MLLT3: variants seen among roughly 807,000 people sequenced by gnomAD.
MLLT3 encodes MLLT3 super elongation complex subunit, also known as protein AF-9.
A neutral mutation model predicts 53.2 loss-of-function variants in MLLT3; 4 were observed. The observed-to-expected ratio is 0.08, with a 90% CI of 0.04 to 0.17. The LOEUF is 0.17. Among genes scored for constraint, MLLT3 ranks in the 10% least tolerant of loss-of-function variants. MLLT3 has a pLI of 1.00. For synonymous variants in MLLT3, 283 were observed against 230.6 expected (o/e 1.23, Z -2.06); for missense variants, 569 against 684.0 (o/e 0.83, Z 1.87).
chr9:20,400,436 G>T (rs538310343), intron 5 of MLLT3, among the ~76,000 whole-genome samples: 1 of 152,210 alleles, frequency 6.6e-6, no homozygotes, highest in East Asian at 1.9e-4. Flanking sequence ...TTGTCCAGTG[G>T]CTAGATATTT....
At chr9:20,469,268 C>T (rs1285410526) in intron 2 of MLLT3, among the ~76,000 whole-genome samples, 3 of 151,992 alleles carry the variant, frequency 2.0e-5, no homozygotes, top group East Asian at 1.9e-4. Context: ...ACAGAACATA[C>T]CTGGCAGCAT....
chr9:20,356,689 T>G (rs745764184), intron 8 of MLLT3, among the ~76,000 whole-genome samples: 1 of 152,204 alleles, frequency 6.6e-6, no homozygotes, highest in Non-Finnish European at 1.5e-5. Context: ...TTGAAGTGAC[T>G]TGAGGACGCT....
intron 2 of MLLT3, among the ~76,000 whole-genome samples, chr9:20,542,984 T>C (rs571861912): frequency 2.6e-5 from 4 of 152,338 alleles, no homozygotes; most frequent in South Asian, 4.1e-4. Flanking sequence ...TCAAATATCA[T>C]GAAACAACCT....
intron 2 of MLLT3, among the ~76,000 whole-genome samples, chr9:20,514,939 A>ATTTTTTTTTTTTTTTTTTTTTTTTTTTT (rs35816235): frequency 1.1e-5 from 1 of 88,734 alleles, no homozygotes; most frequent in Non-Finnish European, 2.1e-5. Context: ...TGAAGGAACA[A>ATTTTTTTTTTTTTTTTTTTTTTTTTTTT]TTTTTTTTTT....
chr9:20,513,981 G>A (rs1817834797), intron 2 of MLLT3, among the ~76,000 whole-genome samples: 3 of 152,210 alleles, frequency 2.0e-5, no homozygotes, highest in Admixed American at 2.0e-4. Context: ...ATATTCAGAG[G>A]CACAAGTCAG....
At chr9:20,454,316 T>C (rs1349875726) in intron 3 of MLLT3, among the ~76,000 whole-genome samples, 1 of 152,116 alleles carries the variant, frequency 6.6e-6, no homozygotes, top group Non-Finnish European at 1.5e-5. Context: ...TGCCTCTTCA[T>C]CCTTTACTTG....
At chr9:20,349,765 A>C (rs974453597) in intron 10 of MLLT3, among the ~76,000 whole-genome samples, 2 of 152,028 alleles carry the variant, frequency 1.3e-5, no homozygotes, top group Non-Finnish European at 2.9e-5. Context: ...TTCCATCACC[A>C]CCCGCTACCT....
At chr9:20,589,855 T>G (rs1005450633) in intron 2 of MLLT3, among the ~76,000 whole-genome samples, 3 of 151,684 alleles carry the variant, frequency 2.0e-5, no homozygotes, top group South Asian at 2.1e-4. Context: ...GGATTACAGG[T>G]GCCCGCCACT....
chr9:20,556,950 G>C (rs1200176740), intron 2 of MLLT3, among the ~76,000 whole-genome samples: 1 of 152,106 alleles, frequency 6.6e-6, no homozygotes, highest in Non-Finnish European at 1.5e-5. Context: ...TATGCAATCA[G>C]CACAAGATTT....
intron 2 of MLLT3, among the ~76,000 whole-genome samples, chr9:20,604,049 C>T (rs1365743409): frequency 6.6e-6 from 1 of 152,058 alleles, no homozygotes; most frequent in African/African-American, 2.4e-5. Flanking sequence ...ATGGCTGAAG[C>T]CTCAGGGCAA....
chr9:20,369,368 A>G (rs1294907738), intron 5 of MLLT3, among the ~76,000 whole-genome samples: 2 of 152,218 alleles, frequency 1.3e-5, no homozygotes, highest in Non-Finnish European at 2.9e-5. Context: ...CACACACACA[A>G]AAACACATTT....
At position 20,500,119 on chromosome 9, in the gene MLLT3, T is replaced by A. The variant is rs553303559; in HGVS notation, c.194-43333A>T. 1.6e-3 allele frequency among the ~76,000 whole-genome samples: 247 copies of A among 152,302 alleles called. 1 individual carries two copies. Among genetic ancestry groups the A allele is most frequent in the African/African-American group, 5.7e-3 (235 of 41,552 alleles). On this transcript the variant is annotated intron_variant, in intron 2 of 10. Transcript: ENST00000380338. ...ATAGCCATTTTACTTTCTCTGAGGG[T>A]CAGGAACTCAGAAAGGTTTGATTGT...
At chr9:20,488,986 T>C (rs1824880249) in intron 2 of MLLT3, among the ~76,000 whole-genome samples, 1 of 152,214 alleles carries the variant, frequency 6.6e-6, no homozygotes, top group Non-Finnish European at 1.5e-5. Flanking sequence ...AAGAGGTATT[T>C]CATTTTATCT....
chr9:20,443,271 T>G lies in MLLT3; in HGVS notation c.420+4852A>C, dbSNP rs148825869. ...AGAAAAAAGAAACTGCAAAATAAAC[T>G]TGATTTTCCAAAGATGCTTGCCTAT... On this transcript the variant is annotated intron_variant, in intron 4 of 10. Transcript: ENST00000380338. Among the ~76,000 whole-genome samples the G allele has an allele frequency of 9.9e-5, 15 of 152,242 alleles. No individual in the cohort carries two copies. The East Asian group carries it at 2.9e-3, about 29-fold the overall frequency.
At chr9:20,449,097 T>G (rs2118848153) in intron 3 of MLLT3, among the ~76,000 whole-genome samples, 1 of 152,286 alleles carries the variant, frequency 6.6e-6, no homozygotes, top group East Asian at 1.9e-4. Flanking sequence ...AAACCTCCCC[T>G]TAACTCCCGA....
chr9:20,360,803 G>A lies in MLLT3; in HGVS notation c.1370C>T (p.Ser457Phe). The A allele has an allele frequency of 6.2e-7, 1 of 1,614,080 alleles. No individual in the cohort carries two copies. Among genetic ancestry groups the A allele is most frequent in the Non-Finnish European group, 8.5e-7 (1 of 1,179,922 alleles). ...LSDGSDSESS[S>F]ASSPLHHEPP... The stretch of plus-strand genomic sequence containing the variant: ...TTCGTGATGTAGGGGTGAAGAAGCA[G>A]AACTGCTTTCACTATCGCTGCCATC... The change falls in exon 8 of 11, where the codon TCT (serine) becomes TTT (phenylalanine). Residue 457 changes from serine to phenylalanine, a missense_variant. This residue lies in a region of MLLT3 where 437 missense variants were observed against 376.5 expected (regional missense o/e 1.16). Coordinates refer to ENST00000380338, the MANE Select transcript of MLLT3 (RefSeq NM_004529.4).
chr9:20,582,884 C>G (rs1043196305), intron 2 of MLLT3, among the ~76,000 whole-genome samples: 1 of 152,144 alleles, frequency 6.6e-6, no homozygotes, highest in East Asian at 1.9e-4. Context: ...GGGGCACAGT[C>G]AAACTATATC....
intron 2 of MLLT3, among the ~76,000 whole-genome samples, chr9:20,583,344 C>T (rs1198510245): frequency 6.6e-6 from 1 of 152,144 alleles, no homozygotes; most frequent in Non-Finnish European, 1.5e-5. Flanking sequence ...GTGTCTGTGG[C>T]TTTTCCAGGA....
rs1391541394 is a variant in MLLT3, at chr9:20,342,438, A to T, written c.*4005T>A. On this transcript the variant is annotated 3_prime_UTR_variant, in exon 11 of 11. Transcript: ENST00000380338. Reference sequence around the variant, plus strand: ...TGGCCTTGCACTGTTAATCTCAATAATACATTTTCACTTAATTTATTTTTG... The same window carrying T: ...TGGCCTTGCACTGTTAATCTCAATATTACATTTTCACTTAATTTATTTTTG... 4.5e-6 allele frequency: 1 copy of T among 222,186 alleles called. No homozygotes were observed. Among genetic ancestry groups the T allele is most frequent in the African/African-American group, 2.2e-5 (1 of 44,676 alleles). The allele number at this position is 222,186 out of a possible 1,614,324, so 13.8% of individuals were successfully genotyped here.
Sources: gnomAD v4.1 joint callset for allele counts (sites outside exome capture counted in the v4.1 genomes callset) on GRCh38, gnomAD v4.1.1 for gene constraint, gnomAD v4.1.1 regional missense constraint, MANE v1.5 for transcripts, NCBI Gene and HGNC (gene_info 2026-07-23, HGNC 2026-07-21) for gene names.